MRAP: variants seen among roughly 807,000 people sequenced by gnomAD.
MRAP encodes melanocortin 2 receptor accessory protein, also known as melanocortin-2 receptor accessory protein.
In MRAP, 8 loss-of-function variants were observed where a neutral mutation model predicts 8.7. The ratio of observed to expected loss-of-function variants is 0.92; its 90% CI spans 0.54 to 1.66. MRAP has a LOEUF of 1.66. Among genes scored for constraint, MRAP ranks in the 40% most tolerant of loss-of-function variants. The pLI is 0.00. For synonymous variants in MRAP, 95 were observed against 95.5 expected (o/e 1.00, Z 0.03); for missense variants, 237 against 217.1 (o/e 1.09, Z -0.58).
intron 1 of MRAP, among the ~76,000 whole-genome samples, chr21:32,304,977 T>TG (rs2032379331): frequency 6.2e-5 from 2 of 32,032 alleles, no homozygotes; most frequent in Non-Finnish European, 2.1e-4. Context: ...TTTTTTTTTT[T>TG]TTTTTTTTTT....
At chr21:32,308,096 G>C (rs1464224896) in intron 2 of MRAP, among the ~76,000 whole-genome samples, 3 of 152,202 alleles carry the variant, frequency 2.0e-5, no homozygotes, top group African/African-American at 7.2e-5. Context: ...CCTTTGGCCA[G>C]GTGTGGGGGC....
chr21:32,310,352 A>C (rs1342676433), intron 2 of MRAP, among the ~76,000 whole-genome samples: 5 of 142,214 alleles, frequency 3.5e-5, no homozygotes, highest in South Asian at 4.9e-4. Flanking sequence ...GGGGGAGGGG[A>C]GGAGGGAGGT....
chr21:32,297,342 C>T (rs2032158184), upstream of MRAP, among the ~76,000 whole-genome samples: 1 of 152,154 alleles, frequency 6.6e-6, no homozygotes, highest in African/African-American at 2.4e-5. Flanking sequence ...GTGATTTCAT[C>T]AATGGTGCCC....
intron 1 of MRAP, 108 bp from the exon 2 acceptor site, chr21:32,306,532 C>A (rs1208784850): frequency 1.2e-6 from 1 of 861,918 alleles, no homozygotes; most frequent in East Asian, 2.5e-5. Flanking sequence ...GGAGGACAAC[C>A]GAAACTCAGG....
upstream of MRAP, among the ~76,000 whole-genome samples, chr21:32,295,774 G>C (rs568672014): frequency 2.0e-5 from 3 of 152,156 alleles, no homozygotes; most frequent in African/African-American, 7.2e-5. Context: ...TCAGGAGTTC[G>C]AGACCAGCCT....
At chr21:32,310,535 T>G (rs1309443363) in intron 2 of MRAP, among the ~76,000 whole-genome samples, 1 of 152,188 alleles carries the variant, frequency 6.6e-6, no homozygotes, top group Non-Finnish European at 1.5e-5. Flanking sequence ...ATTTTATGGA[T>G]GACGTTAAAG....
At chr21:32,294,772 G>A (rs1056942904), upstream of MRAP, among the ~76,000 whole-genome samples, 5 of 152,142 alleles carry the variant, frequency 3.3e-5, no homozygotes, top group East Asian at 3.9e-4. Context: ...CAGGGAACAC[G>A]ATCAATTTGG....
chr21:32,311,626 A>G, intron 2 of MRAP, 58 bp from the exon 3 acceptor site: 3 of 1,589,008 alleles, frequency 1.9e-6, no homozygotes, highest in Middle Eastern at 1.7e-4. Context: ...CCAGCCCCAC[A>G]GTATGGACTG....
chr21:32,312,420 A>C, downstream of MRAP: 1 of 829,144 alleles, frequency 1.2e-6, no homozygotes, highest in African/African-American at 1.8e-5. Context: ...AGCTCCACTA[A>C]CACCCGCCGG....
chr21:32,311,702 C>A lies in MRAP; in HGVS notation c.225C>A (p.His75Gln). Residue 75 changes from histidine to glutamine, a missense_variant, in exon 3 of 3, where the codon CAC (histidine) becomes CAA (glutamine). His to Gln is a conservative substitution (Grantham distance 24). Transcript: ENST00000303645. ...TTCACAGGAACAGCCCCAAGCACCA[C>A]CAAACATGCCCCTGGAGTCACGGCC... ...SPQMRNSPKH[H>Q]QTCPWSHGLN... 6.2e-7 allele frequency: 1 copy of A among 1,614,044 alleles called. No individual in the cohort carries two copies. Among genetic ancestry groups the A allele is most frequent in the South Asian group, 1.1e-5 (1 of 91,036 alleles).
intron 1 of MRAP, among the ~76,000 whole-genome samples, chr21:32,300,989 CATG>C (rs1329840782): frequency 1.4e-5 from 2 of 140,162 alleles, no homozygotes; most frequent in Admixed American, 6.8e-5. Flanking sequence ...TTTCATATAT[CATG>C]ATATATGATA....
At chr21:32,304,952 TG>T (rs1384924985) in intron 1 of MRAP, among the ~76,000 whole-genome samples, 1 of 143,934 alleles carries the variant, frequency 6.9e-6, no homozygotes, top group Non-Finnish European at 1.5e-5. Flanking sequence ...GAGGGGGATT[TG>T]TTTTTTTTGT....
At chr21:32,307,231 G>A (rs556897428) in intron 2 of MRAP, among the ~76,000 whole-genome samples, 26 of 152,196 alleles carry the variant, frequency 1.7e-4, no homozygotes, top group South Asian at 8.3e-4. Context: ...GGGGGAGAGC[G>A]GGGAAGGGGG....
chr21:32,308,905 A>G (rs561840364), intron 2 of MRAP, among the ~76,000 whole-genome samples: 2 of 152,324 alleles, frequency 1.3e-5, no homozygotes, highest in African/African-American at 4.8e-5. Flanking sequence ...GAAGCTGGTC[A>G]GCAGAGAGAT....
At chr21:32,311,583 T>C in intron 2 of MRAP, 101 bp from the exon 3 acceptor site, 1 of 1,515,420 alleles carries the variant, frequency 6.6e-7, no homozygotes, top group South Asian at 1.3e-5. Context: ...CCCTATGGGG[T>C]CCGGGCAGAT....
chr21:32,308,649 T>C (rs1255832154), intron 2 of MRAP: 1 of 152,718 alleles, frequency 6.5e-6, no homozygotes, highest in Non-Finnish European at 1.5e-5. Flanking sequence ...TATTTTGCCA[T>C]CGCTCACCCG....
chr21:32,293,903 CT>C (rs769175406), upstream of MRAP, among the ~76,000 whole-genome samples: 154 of 145,094 alleles, frequency 1.1e-3, no homozygotes, highest in Admixed American at 1.2e-3. Context: ...TTGCATGGAT[CT>C]TTTTTTTTTT....
chr21:32,306,581 C>T, intron 1 of MRAP, 59 bp from the exon 2 acceptor site: 1 of 1,440,072 alleles, frequency 6.9e-7, no homozygotes, highest in Admixed American at 1.7e-5. Flanking sequence ...CTTACTGCCC[C>T]TCAGCGTTGC....
Position 32,311,689 on chromosome 21 carries a change from G to T in MRAP, c.212G>T (p.Ser71Ile), listed in dbSNP as rs2032576551. ...SWSASPQMRN[S>I]PKHHQTCPWS... The stretch of plus-strand genomic sequence containing the variant: ...CCACTCTGCTCTGTTCACAGGAACA[G>T]CCCCAAGCACCACCAAACATGCCCC... Residue 71 changes from serine to isoleucine, a missense_variant, in exon 3 of 3, where the codon AGC becomes ATC. By Grantham distance (142) the Ser-to-Ile change is moderately radical. Transcript: ENST00000303645. The T allele has an allele frequency of 3.1e-6, 5 of 1,613,940 alleles. No individual in the cohort carries two copies. The highest frequency in any genetic ancestry group is 4.2e-6 in the Non-Finnish European group (5 of 1,179,950).
Sources: allele counts gnomAD v4.1 joint callset (sites outside exome capture counted in the v4.1 genomes callset), GRCh38; gene constraint gnomAD v4.1.1; transcripts MANE v1.5; gene names NCBI Gene and HGNC (gene_info 2026-07-23, HGNC 2026-07-21).